Variants in CAST observed in about 807,000 individuals in gnomAD.
The protein encoded by CAST is calpastatin, also known as MIR583 host.
CAST carries 76 observed loss-of-function variants against 119.6 expected under a neutral mutation model. The ratio of observed to expected loss-of-function variants is 0.64; its 90% confidence interval spans 0.53 to 0.77. CAST has a LOEUF of 0.77. CAST is among the 30% of genes least tolerant of loss of function. The pLI is 0.00. For missense variants in CAST, 953 were observed against 946.5 expected, an observed-to-expected ratio of 1.01 and a Z score of -0.09; for synonymous variants, 319 against 331.6, an observed-to-expected ratio of 0.96 and a Z score of 0.41.
the CAST span, among the ~76,000 whole-genome samples, chr5:96,081,236 A>G: frequency 9.8e-4 from 150 of 152,314 alleles, no homozygotes; most frequent in African/African-American, 3.6e-3. Flanking sequence ...GGAGAGTGAC[A>G]GAGTTTGCCA....
the CAST span, among the ~76,000 whole-genome samples, chr5:96,011,460 A>C: frequency 6.6e-6 from 1 of 152,248 alleles, no homozygotes; most frequent in Non-Finnish European, 1.5e-5. Flanking sequence ...ACATGGGTAC[A>C]TAGTTGCCCA....
At chr5:96,204,813 A>C in the CAST span, among the ~76,000 whole-genome samples, 1 of 152,002 alleles carries the variant, frequency 6.6e-6, no homozygotes, top group African/African-American at 2.4e-5. Context: ...GGAAGACTCC[A>C]GCTGTACCTA....
the CAST span, among the ~76,000 whole-genome samples, chr5:96,098,802 T>A: frequency 6.6e-6 from 1 of 152,150 alleles, no homozygotes; most frequent in East Asian, 1.9e-4. Context: ...CCTTGGCTAT[T>A]CCAGTTCTTT....
chr5:96,070,642 G>T, the CAST span, among the ~76,000 whole-genome samples: 1 of 147,406 alleles, frequency 6.8e-6, no homozygotes, highest in African/African-American at 2.5e-5. Flanking sequence ...GGGACAGAAA[G>T]ACAAAATTGA....
At chr5:96,449,352 C>T in the CAST span, among the ~76,000 whole-genome samples, 2 of 152,330 alleles carry the variant, frequency 1.3e-5, no homozygotes, top group East Asian at 1.9e-4. Context: ...CCATGCCCAC[C>T]TGAGCTCCGC....
the CAST span, among the ~76,000 whole-genome samples, chr5:96,496,146 C>T: frequency 6.6e-6 from 1 of 152,222 alleles, no homozygotes; most frequent in South Asian, 2.1e-4. Context: ...GTACTGATTA[C>T]AAAATCCATA....
the CAST span, among the ~76,000 whole-genome samples, chr5:96,395,843 T>TAA: frequency 0.7 from 106,853 of 151,908 alleles, 38,856 homozygotes; most frequent in African/African-American, 0.89. Flanking sequence ...AATAAATAAA[T>TAA]AAGAGGTCTA....
chr5:96,446,072 C>T, the CAST span, among the ~76,000 whole-genome samples: 2 of 151,810 alleles, frequency 1.3e-5, no homozygotes, highest in Non-Finnish European at 2.9e-5. Flanking sequence ...TGTTCTCAAA[C>T]TCCTCAGCTC....
the CAST span, among the ~76,000 whole-genome samples, chr5:96,266,771 A>T: frequency 1.3e-5 from 2 of 152,232 alleles, no homozygotes; most frequent in Non-Finnish European, 2.9e-5. Context: ...ATAGATGTAC[A>T]TTCATAATAA....
chr5:96,705,784 T>C (rs1241932164), intron 3 of CAST, among the ~76,000 whole-genome samples: 1 of 152,230 alleles, frequency 6.6e-6, no homozygotes, highest in East Asian at 1.9e-4. Context: ...GGAGCCCTTA[T>C]GTGCTGTGAT....
Position 96,591,800 on chromosome 5 carries a change from T to C in CAST, c.60+61920T>C, listed in dbSNP as rs139167157. ...GGTGGAGGACATTTAGCAAAGCACA[T>C]TGGAGAAAAGCAGTACTGTTTATAA... is the stretch of plus-strand genomic sequence containing the variant. On this transcript the variant is annotated intron_variant, in intron 1 of 11. Transcript: ENST00000505143. Among the ~76,000 whole-genome samples the C allele has an allele frequency of 3.9e-5, 6 of 152,238 alleles. No homozygotes were observed. In the East Asian group the frequency reaches 1.2e-3, roughly 29 times the overall value.
At chr5:96,012,486 G>A in the CAST span, among the ~76,000 whole-genome samples, 1 of 151,924 alleles carries the variant, frequency 6.6e-6, no homozygotes, top group South Asian at 2.1e-4. Flanking sequence ...AAAGACATAG[G>A]GTAACATATG....
At chr5:96,365,839 T>G in the CAST span, among the ~76,000 whole-genome samples, 54,501 of 152,018 alleles carry the variant, frequency 0.36, 9,992 homozygotes, top group Admixed American at 0.44. Flanking sequence ...AGGTTAATAT[T>G]GTTATGTGTG....
the CAST span, among the ~76,000 whole-genome samples, chr5:95,966,882 AT>A: frequency 6.6e-6 from 1 of 152,196 alleles, no homozygotes; most frequent in East Asian, 1.9e-4. Flanking sequence ...CACCAAGAAA[AT>A]TCTCCCCTTC....
At chr5:96,752,377 G>A (rs1253645728) in intron 20 of CAST, among the ~76,000 whole-genome samples, 2 of 152,166 alleles carry the variant, frequency 1.3e-5, no homozygotes, top group Non-Finnish European at 2.9e-5. Context: ...CATAGAGTAT[G>A]AGAAAACAGA....
rs530102022 is a variant in CAST, at chr5:96,638,192, G to T, written c.61-37347G>T. 3.3e-5 allele frequency among the ~76,000 whole-genome samples: 5 copies of T among 152,052 alleles called. No homozygotes were observed. The East Asian group carries it at 9.7e-4, about 29-fold the overall frequency. ...AGGCCGAGGCTGGCAGATCACTTGAGGTCAGGAGTTCAAGGTCAGCCTGGC... is the reference window on the plus strand; with the variant it reads ...AGGCCGAGGCTGGCAGATCACTTGATGTCAGGAGTTCAAGGTCAGCCTGGC... On this transcript the variant is annotated intron_variant, in intron 1 of 11. Transcript: ENST00000505143.
intron 3 of CAST, among the ~76,000 whole-genome samples, chr5:96,703,741 A>G (rs1216713661): frequency 6.6e-6 from 1 of 152,196 alleles, no homozygotes; most frequent in African/African-American, 2.4e-5. Flanking sequence ...AGAAATGCTT[A>G]ATCAGCAGCT....
the CAST span, among the ~76,000 whole-genome samples, chr5:96,290,949 T>C: frequency 9.9e-5 from 15 of 152,238 alleles, no homozygotes; most frequent in African/African-American, 3.4e-4. Flanking sequence ...TGAAAGAAAA[T>C]GTGACTTCCA....
intron 1 of CAST, among the ~76,000 whole-genome samples, chr5:96,647,052 A>C (rs181568983): frequency 1.3e-5 from 2 of 152,236 alleles, no homozygotes; most frequent in Admixed American, 1.3e-4. Context: ...TGTTTCTATA[A>C]GTGGCTTGAC....
Sources: allele counts gnomAD v4.1 joint callset (sites outside exome capture counted in the v4.1 genomes callset), GRCh38; gene constraint gnomAD v4.1.1; transcripts MANE v1.5; gene names NCBI Gene and HGNC (gene_info 2026-07-23, HGNC 2026-07-21).